INPP5A: variants seen among roughly 807,000 people sequenced by gnomAD.
The protein encoded by INPP5A is 43 kDa inositol polyphosphate 5-phophatase.
INPP5A carries 14 observed loss-of-function variants against 65.2 expected under a neutral mutation model. The observed-to-expected ratio is 0.21, with a 90% CI of 0.14 to 0.34. The LOEUF is 0.34. Ranked by LOEUF, INPP5A falls within the 10% of genes least tolerant of loss-of-function variation. INPP5A has a pLI of 1.00. For synonymous variants in INPP5A, 207 were observed against 208.3 expected, an observed-to-expected ratio of 0.99 and a Z score of 0.05; for missense variants, 431 against 545.6, an observed-to-expected ratio of 0.79 and a Z score of 2.09.
intron 1 of INPP5A, among the ~76,000 whole-genome samples, chr10:132,597,837 C>T (rs149999074): frequency 0.015 from 2,249 of 150,280 alleles, 40 homozygotes; most frequent in African/African-American, 0.051. Context: ...GTGCGTGTTC[C>T]GGGGCTGTGC....
intron 13 of INPP5A, among the ~76,000 whole-genome samples, chr10:132,779,437 T>A (rs1847120730): frequency 6.6e-6 from 1 of 152,240 alleles, no homozygotes; most frequent in African/African-American, 2.4e-5. Context: ...TGCAGATTGG[T>A]GAGCAGCGCC....
At chr10:132,680,342 C>T (rs1459759588) in intron 4 of INPP5A, among the ~76,000 whole-genome samples, 2 of 152,238 alleles carry the variant, frequency 1.3e-5, no homozygotes, top group African/African-American at 2.4e-5. Context: ...CCGATAAGTA[C>T]ACGAAAAAGC....
chr10:132,609,958 C>T (rs777133850), intron 2 of INPP5A, among the ~76,000 whole-genome samples: 6 of 152,200 alleles, frequency 3.9e-5, no homozygotes, highest in Non-Finnish European at 8.8e-5. Context: ...CCGCTTTTTT[C>T]TTGGTTTATT....
At position 132,547,624 on chromosome 10, in the gene INPP5A, C is replaced by T. The variant is rs1007805916; in HGVS notation, c.75+9453C>T. ...TCTCCTCCTTCTCTACCCAAGCGCC[C>T]GTGGCCTGAACAGGACTTGGTTTTT... On this transcript the variant is annotated intron_variant, in intron 1 of 15. Transcript: ENST00000368594. The surrounding 1 kb of genome is among the most constrained non-coding windows in gnomAD (Gnocchi z 5.5). 2.2e-4 allele frequency among the ~76,000 whole-genome samples: 33 copies of T among 152,172 alleles called. No individual in the cohort carries two copies. The highest frequency in any genetic ancestry group is 6.2e-4 in the South Asian group (3 of 4,832).
At position 132,551,645 on chromosome 10, in the gene INPP5A, G is replaced by A. The variant is rs920053433; in HGVS notation, c.75+13474G>A. On this transcript the variant is annotated intron_variant, in intron 1 of 15. Coordinates refer to ENST00000368594, the MANE Select transcript of INPP5A (RefSeq NM_005539.5). This position sits in a 1 kb window ranked among gnomAD's most constrained non-coding sequence, Gnocchi z 5.3. ...GTTGCAACTTCCTGTTTGCTGTAAC[G>A]GCTGTGCCTCCCTCGCTGCTGCAGT... 2.0e-5 allele frequency among the ~76,000 whole-genome samples: 3 copies of A among 152,214 alleles called. No individual in the cohort carries two copies. Among genetic ancestry groups the A allele is most frequent in the Admixed American group, 6.5e-5 (1 of 15,280 alleles).
intron 1 of INPP5A, among the ~76,000 whole-genome samples, chr10:132,571,889 T>C (rs574827218): frequency 3.3e-5 from 5 of 152,288 alleles, no homozygotes; most frequent in Admixed American, 3.3e-4. Context: ...GGCTCTGGCA[T>C]CTGAGCTTGT....
intron 1 of INPP5A, among the ~76,000 whole-genome samples, chr10:132,563,855 C>T (rs991304207): frequency 6.6e-6 from 1 of 152,126 alleles, no homozygotes; most frequent in Non-Finnish European, 1.5e-5. Flanking sequence ...TAGTGGGGGC[C>T]GGTTGCCAGG....
At chr10:132,607,248 A>G (rs574805783) in intron 1 of INPP5A, among the ~76,000 whole-genome samples, 1 of 152,030 alleles carries the variant, frequency 6.6e-6, no homozygotes, top group South Asian at 2.1e-4. Flanking sequence ...AGCTCCTCCG[A>G]TTCTGTCCAG....
rs2072956140 is a variant in INPP5A, at chr10:132,675,733, A to T, written c.307-14659A>T. Among the ~76,000 whole-genome samples, 1 of 152,206 alleles carries T rather than the reference A, an allele frequency of 6.6e-6. No homozygotes were observed. The highest frequency in any genetic ancestry group is 1.5e-5 in the Non-Finnish European group (1 of 68,030). On this transcript the variant is annotated intron_variant, in intron 4 of 15. Coordinates refer to ENST00000368594, the MANE Select transcript of INPP5A (RefSeq NM_005539.5). This position sits in a 1 kb window ranked among gnomAD's most constrained non-coding sequence, Gnocchi z 4.2. Reference sequence around the variant, plus strand: ...CGGGAACTAAGGTAAATTATTTGAAACAGAAGTAGATGGCAATTTCCTAAT... The same window carrying T: ...CGGGAACTAAGGTAAATTATTTGAATCAGAAGTAGATGGCAATTTCCTAAT...
chr10:132,545,884 CGTG>C lies in INPP5A; in HGVS notation c.75+7716_75+7718del, dbSNP rs1028813544. Among the ~76,000 whole-genome samples the C allele has an allele frequency of 3.3e-5, 5 of 152,238 alleles. No individual in the cohort carries two copies. The highest frequency in any genetic ancestry group is 5.9e-5 in the Non-Finnish European group (4 of 68,040). On this transcript the variant is annotated intron_variant, in intron 1 of 15. Transcript: ENST00000368594. This position sits in a 1 kb window ranked among gnomAD's most constrained non-coding sequence, Gnocchi z 4.6. Reference sequence around the variant, plus strand: ...TTTCAGGAAGGCCGACTGCCTCAATCGTGGTTGCTGCCTCCGCTCGGCCTGAGG... The same window carrying C: ...TTTCAGGAAGGCCGACTGCCTCAATCGTTGCTGCCTCCGCTCGGCCTGAGG...
intron 2 of INPP5A, among the ~76,000 whole-genome samples, chr10:132,643,568 C>A (rs977853572): frequency 1.3e-5 from 2 of 152,060 alleles, no homozygotes; most frequent in South Asian, 4.2e-4. Context: ...TGTCTTAGGA[C>A]GGGCAGCTTA....
intron 1 of INPP5A, among the ~76,000 whole-genome samples, chr10:132,602,955 C>T (rs1295779419): frequency 2.0e-5 from 3 of 152,108 alleles, no homozygotes; most frequent in Non-Finnish European, 4.4e-5. Context: ...TCTCCTGATT[C>T]CTTTGTGGTT....
chr10:132,742,258 T>A (rs1175360771), intron 9 of INPP5A, among the ~76,000 whole-genome samples: 3 of 152,084 alleles, frequency 2.0e-5, no homozygotes, highest in African/African-American at 7.2e-5. Context: ...AAGAACACAC[T>A]CTGTGTTCCC....
At position 132,555,569 on chromosome 10, in the gene INPP5A, G is replaced by A. The variant is rs1256137931; in HGVS notation, c.75+17398G>A. On this transcript the variant is annotated intron_variant, in intron 1 of 15. Coordinates refer to ENST00000368594, the MANE Select transcript of INPP5A (RefSeq NM_005539.5). This position sits in a 1 kb window ranked among gnomAD's most constrained non-coding sequence, Gnocchi z 4.4. ...AGCCTCTGGACAGTGGGGCCGTCCTGACTCGCCTCCTGAGAGCCGTGGGTC... is the reference window on the plus strand; with the variant it reads ...AGCCTCTGGACAGTGGGGCCGTCCTAACTCGCCTCCTGAGAGCCGTGGGTC... Among the ~76,000 whole-genome samples the A allele has an allele frequency of 6.6e-6, 1 of 152,154 alleles. No individual in the cohort carries two copies. The highest frequency in any genetic ancestry group is 1.5e-5 in the Non-Finnish European group (1 of 68,028).
At chr10:132,628,629 C>T (rs2072225977) in intron 2 of INPP5A, among the ~76,000 whole-genome samples, 1 of 152,118 alleles carries the variant, frequency 6.6e-6, no homozygotes, top group Non-Finnish European at 1.5e-5. Context: ...TTTTCTTAGG[C>T]TCTTAGAGTT....
rs540336554 is a variant in INPP5A at position 132,675,539 on chromosome 10, G to T, written c.307-14853G>T. Among the ~76,000 whole-genome samples the T allele has an allele frequency of 5.3e-5, 8 of 152,306 alleles. No individual in the cohort carries two copies. Among genetic ancestry groups the T allele is most frequent in the African/African-American group, 1.9e-4 (8 of 41,562 alleles). ...ACGGAGAGAAGTGCGGTTGAGCATG[G>T]GGGTGGGTGCGTGTGGAGTGAGCGT... On this transcript the variant is annotated intron_variant, in intron 4 of 15. Transcript: ENST00000368594. This position sits in a 1 kb window ranked among gnomAD's most constrained non-coding sequence, Gnocchi z 4.2.
At chr10:132,642,903 G>T (rs1459787939) in intron 2 of INPP5A, among the ~76,000 whole-genome samples, 2 of 152,174 alleles carry the variant, frequency 1.3e-5, no homozygotes, top group Non-Finnish European at 2.9e-5. Flanking sequence ...AATCTTGCCA[G>T]CTTGGGGAAA....
chr10:132,552,233 T>C (rs1482221703), intron 1 of INPP5A, among the ~76,000 whole-genome samples: 1 of 126,982 alleles, frequency 7.9e-6, no homozygotes, highest in South Asian at 2.8e-4. Context: ...GGAGGGAGGA[T>C]TGGTGAATGC....
intron 11 of INPP5A, among the ~76,000 whole-genome samples, chr10:132,755,139 ATG>A (rs969633268): frequency 4.0e-5 from 6 of 149,764 alleles, no homozygotes; most frequent in East Asian, 4.0e-4. Flanking sequence ...GTGTGTCAGC[ATG>A]TGTGAGCAAG....
Sources: allele counts gnomAD v4.1 joint callset (sites outside exome capture counted in the v4.1 genomes callset), GRCh38; gene constraint gnomAD v4.1.1; non-coding constraint Gnocchi (gnomAD v3.1); transcripts MANE v1.5; gene names NCBI Gene and HGNC (gene_info 2026-07-23, HGNC 2026-07-21).